HCN1: variants seen among roughly 807,000 people sequenced by gnomAD.
HCN1 encodes the protein hyperpolarization activated cyclic nucleotide gated potassium channel 1.
In HCN1, 13 loss-of-function variants were observed where a neutral mutation model predicts 78.9. The ratio of observed to expected loss-of-function variants is 0.16; its 90% confidence interval spans 0.11 to 0.26. The LOEUF (loss-of-function observed/expected upper bound fraction) is 0.26, where lower values mean the gene tolerates loss of function less well. Among genes scored for constraint, HCN1 ranks in the 10% least tolerant of loss-of-function variants. The probability of loss-of-function intolerance (pLI) is 1.00; values close to 1 mark genes in which losing one functional copy is unlikely to be tolerated. For missense variants in HCN1, 810 were observed against 1,154.3 expected (o/e 0.70, Z 4.32); for synonymous variants, 552 against 455.5 (o/e 1.21, Z -2.70).
chr5:45,314,430 A>C (rs181100407), intron 5 of HCN1, among the ~76,000 whole-genome samples: 1 of 152,206 alleles, frequency 6.6e-6, no homozygotes, highest in South Asian at 2.1e-4. Context: ...AAAGACCGTC[A>C]AGGCTAGGAA....
At chr5:45,666,762 A>G (rs1322648801) in intron 1 of HCN1, among the ~76,000 whole-genome samples, 2 of 152,030 alleles carry the variant, frequency 1.3e-5, no homozygotes, top group Non-Finnish European at 2.9e-5. Flanking sequence ...CCCTAAATAA[A>G]TTGAATAAAT....
At chr5:45,316,136 C>T (rs958408762) in intron 5 of HCN1, among the ~76,000 whole-genome samples, 15 of 152,142 alleles carry the variant, frequency 9.9e-5, no homozygotes, top group African/African-American at 1.2e-4. Flanking sequence ...ACCAATATCC[C>T]TGATGAACAT....
At chr5:45,323,489 A>C (rs994699819) in intron 5 of HCN1, among the ~76,000 whole-genome samples, 1 of 151,948 alleles carries the variant, frequency 6.6e-6, no homozygotes, top group Non-Finnish European at 1.5e-5. Flanking sequence ...ATGCCTTTCT[A>C]GATTTTTTAA....
At chr5:45,313,703 A>G (rs1328630460) in intron 5 of HCN1, among the ~76,000 whole-genome samples, 1 of 152,238 alleles carries the variant, frequency 6.6e-6, no homozygotes, top group East Asian at 1.9e-4. Flanking sequence ...CCATGGCACG[A>G]GAACTAAGGG....
intron 2 of HCN1, among the ~76,000 whole-genome samples, chr5:45,551,263 C>T (rs1202850869): frequency 6.6e-6 from 1 of 151,748 alleles, no homozygotes; most frequent in Non-Finnish European, 1.5e-5. Context: ...TAATAGACAG[C>T]AAACTAATGA....
chr5:45,498,010 C>A (rs1050375042), intron 2 of HCN1, among the ~76,000 whole-genome samples: 14 of 152,272 alleles, frequency 9.2e-5, no homozygotes, highest in Non-Finnish European at 1.6e-4. Flanking sequence ...TCTCTGGCTG[C>A]CCTTAACATT....
At chr5:45,296,729 C>T (rs574740269) in intron 6 of HCN1, among the ~76,000 whole-genome samples, 20 of 151,898 alleles carry the variant, frequency 1.3e-4, no homozygotes, top group East Asian at 3.9e-4. Flanking sequence ...GAAAAAAGAA[C>T]GTAAACATTA....
At chr5:45,314,412 C>T (rs775898003) in intron 5 of HCN1, among the ~76,000 whole-genome samples, 1 of 152,132 alleles carries the variant, frequency 6.6e-6, no homozygotes, top group Non-Finnish European at 1.5e-5. Context: ...AAAAACATGC[C>T]ACATTGTAAA....
At chr5:45,627,235 G>T (rs1302061390) in intron 2 of HCN1, among the ~76,000 whole-genome samples, 1 of 152,078 alleles carries the variant, frequency 6.6e-6, no homozygotes, top group African/African-American at 2.4e-5. Flanking sequence ...TATAGAACCT[G>T]CAAAATCAGC....
At chr5:45,406,326 A>G (rs1739918801) in intron 3 of HCN1, among the ~76,000 whole-genome samples, 1 of 152,196 alleles carries the variant, frequency 6.6e-6, no homozygotes. Flanking sequence ...TTTTATGTGT[A>G]TGCAAGCATA....
chr5:45,487,729 G>C (rs1741797250), intron 2 of HCN1, among the ~76,000 whole-genome samples: 1 of 151,946 alleles, frequency 6.6e-6, no homozygotes, highest in African/African-American at 2.4e-5. Context: ...TCAAAATAAT[G>C]CAAGAACAGT....
chr5:45,588,696 C>A (rs753143010), intron 2 of HCN1, among the ~76,000 whole-genome samples: 5 of 152,188 alleles, frequency 3.3e-5, no homozygotes, highest in Non-Finnish European at 7.3e-5. Context: ...GAGGACTTCA[C>A]CGACTACTCA....
intron 6 of HCN1, among the ~76,000 whole-genome samples, chr5:45,300,875 C>A (rs1461817895): frequency 2.0e-5 from 3 of 151,996 alleles, no homozygotes; most frequent in African/African-American, 7.2e-5. Context: ...TTAGAATAAC[C>A]CATACAAAAG....
At chr5:45,325,708 G>T (rs986282907) in intron 5 of HCN1, among the ~76,000 whole-genome samples, 2 of 151,568 alleles carry the variant, frequency 1.3e-5, no homozygotes, top group Non-Finnish European at 3.0e-5. Context: ...AGATCTTAAT[G>T]AATTAAAAAA....
chr5:45,562,324 A>T (rs1337176414), intron 2 of HCN1, among the ~76,000 whole-genome samples: 1 of 152,076 alleles, frequency 6.6e-6, no homozygotes, highest in Non-Finnish European at 1.5e-5. Context: ...TTGATATCCA[A>T]CAGCAGAATG....
At chr5:45,320,496 C>T (rs1365074586) in intron 5 of HCN1, among the ~76,000 whole-genome samples, 1 of 151,808 alleles carries the variant, frequency 6.6e-6, no homozygotes, top group Non-Finnish European at 1.5e-5. Context: ...ATTTTACCCT[C>T]ACAATAATCC....
intron 2 of HCN1, among the ~76,000 whole-genome samples, chr5:45,542,775 T>C (rs543537379): frequency 2.0e-5 from 3 of 152,264 alleles, no homozygotes; most frequent in African/African-American, 7.2e-5. Flanking sequence ...ATCACAGATT[T>C]TGATAAAATT....
intron 2 of HCN1, among the ~76,000 whole-genome samples, chr5:45,485,831 C>T (rs907088424): frequency 6.6e-6 from 1 of 152,086 alleles, no homozygotes; most frequent in Admixed American, 6.6e-5. Flanking sequence ...GAAGCATCAA[C>T]AGATGGTATC....
chr5:45,370,361 C>T (rs1031204938), intron 4 of HCN1, among the ~76,000 whole-genome samples: 1 of 151,932 alleles, frequency 6.6e-6, no homozygotes, highest in Admixed American at 6.6e-5. Flanking sequence ...TGTCCCATTA[C>T]ATTAATTTTT....
Sources: allele counts gnomAD v4.1 joint callset (sites outside exome capture counted in the v4.1 genomes callset), GRCh38; gene constraint gnomAD v4.1.1; transcripts MANE v1.5; gene names NCBI Gene and HGNC (gene_info 2026-07-23, HGNC 2026-07-21).